KLHL3: variants seen among roughly 807,000 people sequenced by gnomAD.
KLHL3 encodes the protein kelch like family member 3.
KLHL3 carries 19 observed loss-of-function variants against 70.5 expected under a neutral mutation model. The ratio of observed to expected loss-of-function variants is 0.27; its 90% confidence interval spans 0.19 to 0.40. The LOEUF (loss-of-function observed/expected upper bound fraction) is 0.40. Ranked by LOEUF, KLHL3 falls within the 10% of genes least tolerant of loss-of-function variation. KLHL3 has a pLI of 1.00. For synonymous variants in KLHL3, 258 were observed against 290.3 expected (o/e 0.89, Z 1.13); for missense variants, 512 against 771.1 (o/e 0.66, Z 3.98).
intron 2 of KLHL3, among the ~76,000 whole-genome samples, chr5:137,712,382 C>T (rs1419860126): frequency 6.6e-6 from 1 of 152,038 alleles, no homozygotes; most frequent in Non-Finnish European, 1.5e-5. Context: ...GATGGAGAAT[C>T]CAGTTAAGCA....
chr5:137,720,985 G>T, intron 1 of KLHL3: 1 of 580,928 alleles, frequency 1.7e-6, no homozygotes, highest in Non-Finnish European at 2.2e-6. Flanking sequence ...CAAAACAATA[G>T]GCAAAGCCAC....
At chr5:137,683,693 G>A (rs1752088952) in intron 5 of KLHL3, among the ~76,000 whole-genome samples, 1 of 151,898 alleles carries the variant, frequency 6.6e-6, no homozygotes, top group South Asian at 2.1e-4. Context: ...CTCTTTCCAT[G>A]TTGCCTTACT....
At chr5:137,719,101 C>A (rs1401603676) in intron 2 of KLHL3, among the ~76,000 whole-genome samples, 1 of 152,212 alleles carries the variant, frequency 6.6e-6, no homozygotes, top group Non-Finnish European at 1.5e-5. Context: ...AAGCATCAAC[C>A]CTCTTCTCCA....
intron 14 of KLHL3, among the ~76,000 whole-genome samples, chr5:137,624,344 C>T (rs1197935288): frequency 6.6e-6 from 1 of 152,200 alleles, no homozygotes; most frequent in East Asian, 1.9e-4. Flanking sequence ...ACCACCCACA[C>T]TTAACTCTTC....
At chr5:137,625,941 C>G (rs376188142) in intron 13 of KLHL3, 45 bp from the exon 14 acceptor site, 2 of 1,612,604 alleles carry the variant, frequency 1.2e-6, no homozygotes, top group Non-Finnish European at 1.7e-6. Flanking sequence ...AGCAGGTGCA[C>G]TAAGAGATCA....
At chr5:137,679,530 G>A (rs1751972804) in intron 5 of KLHL3, among the ~76,000 whole-genome samples, 1 of 152,192 alleles carries the variant, frequency 6.6e-6, no homozygotes, top group African/African-American at 2.4e-5. Context: ...ATTCTATGCT[G>A]TGAAATAAAA....
chr5:137,665,435 G>A (rs1239720074), intron 6 of KLHL3, among the ~76,000 whole-genome samples: 1 of 152,156 alleles, frequency 6.6e-6, no homozygotes, highest in African/African-American at 2.4e-5. Flanking sequence ...AAATATTTAG[G>A]GGTGAAGTGT....
intron 6 of KLHL3, among the ~76,000 whole-genome samples, chr5:137,663,259 A>G (rs200249301): frequency 6.6e-6 from 1 of 150,984 alleles, no homozygotes. Context: ...GTTTCACCAT[A>G]TTGGCCAGGC....
intron 2 of KLHL3, among the ~76,000 whole-genome samples, chr5:137,718,316 G>C (rs1752934905): frequency 6.6e-6 from 1 of 152,162 alleles, no homozygotes; most frequent in Non-Finnish European, 1.5e-5. Flanking sequence ...TGAGAACTCA[G>C]GATGTCTTTT....
At chr5:137,683,363 G>A (rs1419450999) in intron 5 of KLHL3, among the ~76,000 whole-genome samples, 1 of 152,148 alleles carries the variant, frequency 6.6e-6, no homozygotes, top group Non-Finnish European at 1.5e-5. Context: ...CACACCCTCA[G>A]GAGACACTGG....
chr5:137,627,745 A>G (rs547347006), intron 13 of KLHL3, among the ~76,000 whole-genome samples: 66 of 152,306 alleles, frequency 4.3e-4, no homozygotes, highest in South Asian at 1.9e-3. Flanking sequence ...ACTACAGTAA[A>G]TCTTTCCTAC....
At chr5:137,704,466 T>C (rs796469217) in intron 3 of KLHL3, among the ~76,000 whole-genome samples, 18 of 152,340 alleles carry the variant, frequency 1.2e-4, no homozygotes, top group African/African-American at 3.8e-4. Flanking sequence ...CATCTCCCAG[T>C]GCAAGGCGGC....
In KLHL3 at chr5:137,688,339, T is replaced by C. The variant is rs535478120; in HGVS notation, c.526+3946A>G. ...ATCATGCTGACCCAGCCAGGAAAAGTAGGAGGGCCTGCTCACTCATTCAGT... is the reference window on the plus strand; with the variant it reads ...ATCATGCTGACCCAGCCAGGAAAAGCAGGAGGGCCTGCTCACTCATTCAGT... On this transcript the variant is annotated intron_variant, in intron 5 of 14. Transcript: ENST00000309755. 3.9e-5 allele frequency among the ~76,000 whole-genome samples: 6 copies of C among 152,170 alleles called. No individual in the cohort carries two copies. The East Asian group carries it at 9.7e-4, about 25-fold the overall frequency.
At chr5:137,694,782 A>G (rs554079220) in intron 4 of KLHL3, among the ~76,000 whole-genome samples, 5 of 152,172 alleles carry the variant, frequency 3.3e-5, no homozygotes, top group Non-Finnish European at 7.3e-5. Context: ...TGGGCAAAAT[A>G]GGATAGGTGT....
chr5:137,709,487 T>G (rs931165044), intron 3 of KLHL3, among the ~76,000 whole-genome samples: 2 of 152,242 alleles, frequency 1.3e-5, no homozygotes, highest in African/African-American at 2.4e-5. Context: ...ATGATTATGG[T>G]GCAGGGTGAG....
At chr5:137,635,388 C>T (rs3777377) in intron 11 of KLHL3, among the ~76,000 whole-genome samples, 53,820 of 152,054 alleles carry the variant, frequency 0.35, 10,234 homozygotes, top group East Asian at 0.54. Flanking sequence ...AGGCTACTTG[C>T]ATGGTATGTG....
chr5:137,726,704 C>G (rs1473413967), intron 1 of KLHL3, among the ~76,000 whole-genome samples: 2 of 152,098 alleles, frequency 1.3e-5, no homozygotes, highest in African/African-American at 2.4e-5. Flanking sequence ...TGTCTGAGGA[C>G]TCTGTATAGC....
chr5:137,619,068 AT>A lies in KLHL3; in HGVS notation c.*3029del, dbSNP rs1445738402. The stretch of plus-strand genomic sequence containing the variant: ...AAAGCGATTCAAACTCTTGAAAAAA[AT>A]ATCTTATAAAAATATCTACGTTAAA... On this transcript the variant is annotated 3_prime_UTR_variant, in exon 15 of 15. Coordinates refer to ENST00000309755, the MANE Select transcript of KLHL3 (RefSeq NM_017415.3). The A allele has an allele frequency of 5.9e-5, 9 of 152,646 alleles. No homozygotes were observed. Among genetic ancestry groups the A allele is most frequent in the Non-Finnish European group, 1.0e-4 (7 of 68,048 alleles). The allele number at this position is 152,646 out of a possible 1,614,324, so 9.5% of individuals were successfully genotyped here.
chr5:137,703,160 ATG>A (rs776383667), intron 3 of KLHL3, among the ~76,000 whole-genome samples: 4 of 152,080 alleles, frequency 2.6e-5, no homozygotes, highest in Non-Finnish European at 5.9e-5. Context: ...ACATAGTTAT[ATG>A]TCCTTAAAGA....
Sources: allele counts gnomAD v4.1 joint callset (sites outside exome capture counted in the v4.1 genomes callset), GRCh38; gene constraint gnomAD v4.1.1; transcripts MANE v1.5; gene names NCBI Gene and HGNC (gene_info 2026-07-23, HGNC 2026-07-21).